TMEM117: variants seen among roughly 807,000 people sequenced by gnomAD.
The protein encoded by TMEM117 is transmembrane protein 117.
In TMEM117, 27 loss-of-function variants were observed where a neutral mutation model predicts 52.4. That is an observed-to-expected ratio of 0.51 (90% confidence interval 0.38 to 0.71). The LOEUF (loss-of-function observed/expected upper bound fraction) is 0.71. Ranked by LOEUF, TMEM117 falls within the 30% of genes least tolerant of loss-of-function variation. TMEM117 has a pLI of 0.00. For synonymous variants in TMEM117, 215 were observed against 206.3 expected (o/e 1.04, Z -0.36); for missense variants, 556 against 630.5 (o/e 0.88, Z 1.26).
chr12:43,918,546 T>A (rs1464863336), intron 2 of TMEM117, among the ~76,000 whole-genome samples: 3 of 152,232 alleles, frequency 2.0e-5, no homozygotes, highest in Non-Finnish European at 4.4e-5. Context: ...AATTAACCAA[T>A]TAGAAGCTAC....
intron 3 of TMEM117, among the ~76,000 whole-genome samples, chr12:44,101,427 C>T (rs1039519357): frequency 6.6e-6 from 1 of 151,874 alleles, no homozygotes; most frequent in African/African-American, 2.4e-5. Context: ...TGTCCATTAA[C>T]GTTCCCTGAA....
At chr12:44,370,076 C>T (rs1392316338) in intron 6 of TMEM117, among the ~76,000 whole-genome samples, 1 of 152,172 alleles carries the variant, frequency 6.6e-6, no homozygotes, top group Admixed American at 6.5e-5. Context: ...AATGATCCCC[C>T]AACCTTTAAA....
intron 3 of TMEM117, among the ~76,000 whole-genome samples, chr12:44,008,123 A>G (rs1197387642): frequency 6.6e-6 from 1 of 152,178 alleles, no homozygotes; most frequent in African/African-American, 2.4e-5. Context: ...TGTGCTTCCT[A>G]CAAAGAAACA....
At chr12:44,037,532 G>T (rs149456238) in intron 3 of TMEM117, among the ~76,000 whole-genome samples, 1 of 152,276 alleles carries the variant, frequency 6.6e-6, no homozygotes, top group African/African-American at 2.4e-5. Context: ...AGGCAGAAAG[G>T]GGTGGGTCCC....
chr12:44,047,906 A>G (rs1195058664), intron 3 of TMEM117, among the ~76,000 whole-genome samples: 1 of 152,178 alleles, frequency 6.6e-6, no homozygotes, highest in Non-Finnish European at 1.5e-5. Flanking sequence ...AAGTTGAGAA[A>G]AGTTCCCTCT....
At chr12:44,071,234 T>C (rs1947297138) in intron 3 of TMEM117, among the ~76,000 whole-genome samples, 2 of 152,174 alleles carry the variant, frequency 1.3e-5, no homozygotes, top group African/African-American at 4.8e-5. Flanking sequence ...ACAGGTGTTT[T>C]TCCTCCTGCC....
intron 2 of TMEM117, among the ~76,000 whole-genome samples, chr12:43,866,410 C>CA (rs1194302841): frequency 0.032 from 3,378 of 107,064 alleles, 81 homozygotes; most frequent in African/African-American, 0.06. Flanking sequence ...TCATCGCTAC[C>CA]AAAAAAAAAA....
At chr12:44,319,694 C>T (rs1951106011) in intron 6 of TMEM117, among the ~76,000 whole-genome samples, 1 of 152,162 alleles carries the variant, frequency 6.6e-6, no homozygotes, top group Non-Finnish European at 1.5e-5. Context: ...GTGCTAAGTT[C>T]TTACATTTAT....
intron 2 of TMEM117, among the ~76,000 whole-genome samples, chr12:43,875,132 A>G (rs1943771887): frequency 1.3e-5 from 2 of 152,202 alleles, no homozygotes; most frequent in African/African-American, 4.8e-5. Context: ...TAAATGATGT[A>G]TTTGTAAGAA....
chr12:44,023,088 G>T (rs1946478888), intron 3 of TMEM117, among the ~76,000 whole-genome samples: 1 of 152,204 alleles, frequency 6.6e-6, no homozygotes, highest in Non-Finnish European at 1.5e-5. Flanking sequence ...AGGTGACTTA[G>T]TTCCCTAAAA....
intron 6 of TMEM117, among the ~76,000 whole-genome samples, chr12:44,324,166 T>C (rs546727294): frequency 2.2e-4 from 34 of 152,158 alleles, no homozygotes; most frequent in South Asian, 2.1e-3. Context: ...CATTCTCATA[T>C]AATTATGGAA....
chr12:44,055,930 T>C (rs1947047644), intron 3 of TMEM117, among the ~76,000 whole-genome samples: 1 of 152,138 alleles, frequency 6.6e-6, no homozygotes, highest in South Asian at 2.1e-4. Context: ...TTTCAGCTTG[T>C]TTTCAGCTTT....
At chr12:44,305,155 G>A (rs2138655443) in intron 6 of TMEM117, among the ~76,000 whole-genome samples, 1 of 152,318 alleles carries the variant, frequency 6.6e-6, no homozygotes. Flanking sequence ...GATCTTGTGT[G>A]AACATCAGCA....
intron 1 of TMEM117, 30 bp downstream of exon 1, chr12:43,836,226 G>T (rs1006015564): frequency 6.6e-6 from 1 of 152,232 alleles, no homozygotes. Context: ...CGTTGGGCGA[G>T]CCTCCCCAGC....
intron 3 of TMEM117, among the ~76,000 whole-genome samples, chr12:43,981,181 A>G (rs1384357621): frequency 6.6e-6 from 1 of 152,058 alleles, no homozygotes; most frequent in Non-Finnish European, 1.5e-5. Context: ...TGTCTAGCAC[A>G]TTTTCACCAC....
At chr12:44,198,060 G>C (rs1949444336) in intron 4 of TMEM117, among the ~76,000 whole-genome samples, 1 of 152,144 alleles carries the variant, frequency 6.6e-6, no homozygotes, top group South Asian at 2.1e-4. Flanking sequence ...TTCATCTGCA[G>C]TTTCCATTCA....
chr12:44,313,856 T>G (rs986743658), intron 6 of TMEM117, among the ~76,000 whole-genome samples: 18 of 152,120 alleles, frequency 1.2e-4, no homozygotes, highest in African/African-American at 4.3e-4. Context: ...CTTTTTTGTG[T>G]GGGTGGGTAT....
At chr12:43,930,871 A>C (rs1415402444) in intron 2 of TMEM117, among the ~76,000 whole-genome samples, 1 of 152,186 alleles carries the variant, frequency 6.6e-6, no homozygotes, top group Non-Finnish European at 1.5e-5. Flanking sequence ...CATTGCAGGA[A>C]GGAGGAAATC....
intron 4 of TMEM117, among the ~76,000 whole-genome samples, chr12:44,180,366 A>G (rs1162994680): frequency 7.1e-6 from 1 of 141,274 alleles, no homozygotes; most frequent in Non-Finnish European, 1.5e-5. Context: ...TTTTTTTTTT[A>G]TTATACTTTA....
Sources: allele counts gnomAD v4.1 joint callset (sites outside exome capture counted in the v4.1 genomes callset), GRCh38; gene constraint gnomAD v4.1.1; transcripts MANE v1.5; gene names NCBI Gene and HGNC (gene_info 2026-07-23, HGNC 2026-07-21).